TTC21B: variants seen among roughly 807,000 people sequenced by gnomAD.
TTC21B encodes the protein tetratricopeptide repeat domain 21B, also known as tetratricopeptide repeat protein 21B.
Under a neutral mutation model 175.1 loss-of-function variants are expected in TTC21B, and 127 were observed. The observed-to-expected ratio is 0.73, with a 90% CI of 0.63 to 0.84. The LOEUF (loss-of-function observed/expected upper bound fraction) is 0.84, where lower values mean the gene tolerates loss of function less well. Among genes scored for constraint, TTC21B ranks in the 40% least tolerant of loss-of-function variants. TTC21B has a pLI of 0.00. For synonymous variants in TTC21B, 524 were observed against 524.5 expected (o/e 1.00, Z 0.01); for missense variants, 1,561 against 1,558.3 (o/e 1.00, Z -0.03).
chr2:165,935,868 C>T (rs535152227), intron 6 of TTC21B, among the ~76,000 whole-genome samples: 2 of 152,182 alleles, frequency 1.3e-5, no homozygotes, highest in Non-Finnish European at 1.5e-5. Context: ...AAAGACAATA[C>T]AAGATGTTAG....
At chr2:165,893,825 C>T (rs1002475451) in intron 22 of TTC21B, among the ~76,000 whole-genome samples, 5 of 151,814 alleles carry the variant, frequency 3.3e-5, no homozygotes, top group African/African-American at 4.8e-5. Flanking sequence ...AGAAGGCATG[C>T]GCCAAGAGGG....
intron 11 of TTC21B, chr2:165,928,749 C>A: frequency 5.5e-6 from 1 of 182,096 alleles, no homozygotes; most frequent in Non-Finnish European, 1.2e-5. Flanking sequence ...TGACTTAACA[C>A]AGGAAACACA....
chr2:165,878,430 T>G lies in TTC21B; in HGVS notation c.3806-2198A>C, dbSNP rs1005193631. Among the ~76,000 whole-genome samples, 5 of 152,144 alleles carry G rather than the reference T, an allele frequency of 3.3e-5. No homozygotes were observed. In the East Asian group the frequency reaches 9.6e-4, roughly 29 times the overall value. On this transcript the variant is annotated intron_variant, in intron 27 of 28. Coordinates refer to ENST00000243344, the MANE Select transcript of TTC21B (RefSeq NM_024753.5). ...GAGAATAGGTATGAAGGGTGAAACA[T>G]GAGTAGTTTCTTCTCTCATTGGATC...
intron 6 of TTC21B, among the ~76,000 whole-genome samples, chr2:165,938,785 A>G (rs1687259249): frequency 6.6e-6 from 1 of 152,050 alleles, no homozygotes; most frequent in African/African-American, 2.4e-5. Flanking sequence ...AAAGAGTGAG[A>G]AAGAACTCAC....
intron 3 of TTC21B, chr2:165,948,184 G>C (rs1173706511): frequency 1.3e-5 from 2 of 152,126 alleles, no homozygotes; most frequent in Admixed American, 6.5e-5. Context: ...ATCAGATTAA[G>C]TTCCAAAATT....
Position 165,943,360 on chromosome 2 carries a change from T to C in TTC21B, c.430-19A>G, listed in dbSNP as rs761813313. On this transcript the variant is annotated intron_variant, in intron 4 of 28. Transcript: ENST00000243344. ...CGTGTCCCTGTAAAATGAATAATTC[T>C]ATTTTTACTTTTTTAGAAATGAGAG... is the stretch of plus-strand genomic sequence containing the variant. The C allele has an allele frequency of 1.3e-6, 2 of 1,575,298 alleles. No homozygotes were observed. Among genetic ancestry groups the C allele is most frequent in the Non-Finnish European group, 1.7e-6 (2 of 1,149,708 alleles).
chr2:165,913,099 C>T (rs867591620), intron 16 of TTC21B, among the ~76,000 whole-genome samples: 1 of 151,572 alleles, frequency 6.6e-6, no homozygotes, highest in Admixed American at 6.6e-5. Context: ...AGTGCAGTGG[C>T]GCAATCTTGG....
At chr2:165,953,299 C>G (rs6716682) in intron 1 of TTC21B, among the ~76,000 whole-genome samples, 151,856 of 152,346 alleles carry the variant, frequency 1, 75,684 homozygotes, top group Middle Eastern at 1. Flanking sequence ...AATCTTTCTG[C>G]GCTCTTTTTA....
intron 7 of TTC21B, among the ~76,000 whole-genome samples, chr2:165,932,140 C>G (rs560819100): frequency 6.6e-6 from 1 of 152,244 alleles, no homozygotes; most frequent in African/African-American, 2.4e-5. Context: ...ATTAACTGTA[C>G]ATGCCCAGCT....
intron 19 of TTC21B, 38 bp downstream of exon 19, chr2:165,907,640 C>G: frequency 7.2e-7 from 1 of 1,393,010 alleles, no homozygotes; most frequent in Non-Finnish European, 1.0e-6. Context: ...GCATCCATCT[C>G]CTACCTCATG....
intron 26 of TTC21B, among the ~76,000 whole-genome samples, chr2:165,882,378 GTTTGT>G: frequency 6.6e-6 from 1 of 152,182 alleles, no homozygotes; most frequent in South Asian, 2.1e-4. Flanking sequence ...TAGGTTTTTT[GTTTGT>G]TTTGTTTTTT....
chr2:165,942,183 G>A (rs1017480793), intron 5 of TTC21B, among the ~76,000 whole-genome samples: 1 of 152,146 alleles, frequency 6.6e-6, no homozygotes, highest in African/African-American at 2.4e-5. Flanking sequence ...AAAGTGACAG[G>A]AAAAGTGATG....
chr2:165,911,749 G>A (rs58672545), intron 17 of TTC21B, among the ~76,000 whole-genome samples: 208 of 151,196 alleles, frequency 1.4e-3, no homozygotes, highest in African/African-American at 4.9e-3. Context: ...TGCAACCTCT[G>A]CCTTCCAAGT....
chr2:165,876,078 A>C, intron 28 of TTC21B, 87 bp downstream of exon 28: 2 of 799,086 alleles, frequency 2.5e-6, no homozygotes, highest in Non-Finnish European at 4.4e-6. Context: ...TGTATCCTCT[A>C]TTTCTATTCA....
intron 7 of TTC21B, among the ~76,000 whole-genome samples, chr2:165,932,559 A>G (rs1454731006): frequency 6.6e-6 from 1 of 152,146 alleles, no homozygotes; most frequent in Non-Finnish European, 1.5e-5. Flanking sequence ...ATTTTATCCC[A>G]AGCCCATTTA....
chr2:165,952,751 C>G (rs569746815), intron 1 of TTC21B, among the ~76,000 whole-genome samples: 2 of 152,182 alleles, frequency 1.3e-5, no homozygotes, highest in East Asian at 3.8e-4. Context: ...CCTCCTACAT[C>G]GCCAAATTGT....
chr2:165,883,873 A>G lies in TTC21B; in HGVS notation c.3605T>C (p.Leu1202Pro), dbSNP rs759086770. ...DAEEFEKSWL[L>P]LADIYIQSAK... ...TGATTGAATGTAAATATCAGCAAGT[A>G]GCAGCCAACTCTTCTCAAACTCTTC... Residue 1202 changes from leucine (L) to proline (P), a missense_variant, in exon 26 of 29, where the codon CTA becomes CCA. Leu to Pro is a moderately conservative substitution (Grantham distance 98). Coordinates refer to ENST00000243344, the MANE Select transcript of TTC21B (RefSeq NM_024753.5). 7.4e-6 allele frequency: 12 copies of G among 1,614,144 alleles called. No homozygotes were observed. Among genetic ancestry groups the G allele is most frequent in the Non-Finnish European group, 1.0e-5 (12 of 1,180,004 alleles).
intron 6 of TTC21B, among the ~76,000 whole-genome samples, chr2:165,937,003 T>G (rs1687174459): frequency 6.6e-6 from 1 of 152,126 alleles, no homozygotes; most frequent in African/African-American, 2.4e-5. Flanking sequence ...TGCACAAGGT[T>G]ATAGTAGCTT....
At chr2:165,952,955 T>C (rs1444632445) in intron 1 of TTC21B, among the ~76,000 whole-genome samples, 9 of 152,266 alleles carry the variant, frequency 5.9e-5, no homozygotes, top group Admixed American at 5.9e-4. Flanking sequence ...ATTAGGGTTT[T>C]TCCCCAGCAT....
Sources: allele counts gnomAD v4.1 joint callset (sites outside exome capture counted in the v4.1 genomes callset), GRCh38; gene constraint gnomAD v4.1.1; transcripts MANE v1.5; gene names NCBI Gene and HGNC (gene_info 2026-07-23, HGNC 2026-07-21).